Variants in TBC1D5 observed in about 807,000 individuals in gnomAD.
TBC1D5 encodes TBC1 domain family, member 5.
TBC1D5 carries 75 observed loss-of-function variants against 100.3 expected under a neutral mutation model. The ratio of observed to expected loss-of-function variants is 0.75; its 90% CI spans 0.62 to 0.91. The LOEUF is 0.91. Ranked by LOEUF, TBC1D5 falls within the 40% of genes least tolerant of loss-of-function variation. The pLI, the probability that TBC1D5 is intolerant of heterozygous loss-of-function variation, is 0.00. For synonymous variants in TBC1D5, 323 were observed against 325.6 expected (o/e 0.99, Z 0.09); for missense variants, 910 against 942.4 (o/e 0.97, Z 0.45).
chr3:17,604,830 A>T (rs982591047), intron 2 of TBC1D5, among the ~76,000 whole-genome samples: 2 of 151,994 alleles, frequency 1.3e-5, no homozygotes, highest in African/African-American at 4.8e-5. Context: ...GCATACCACC[A>T]CACCCAGGTA....
intron 9 of TBC1D5, among the ~76,000 whole-genome samples, chr3:17,379,493 A>T (rs1474100100): frequency 6.6e-6 from 1 of 152,024 alleles, no homozygotes; most frequent in East Asian, 1.9e-4. Context: ...TTAATCATTC[A>T]CGTATTGCAA....
At chr3:17,291,287 G>T (rs1438685382) in intron 15 of TBC1D5, among the ~76,000 whole-genome samples, 1 of 152,176 alleles carries the variant, frequency 6.6e-6, no homozygotes, top group Non-Finnish European at 1.5e-5. Flanking sequence ...TATAACATTA[G>T]TTGTAAAAGA....
chr3:17,442,180 A>G (rs926361358), intron 3 of TBC1D5, among the ~76,000 whole-genome samples: 2 of 152,186 alleles, frequency 1.3e-5, no homozygotes, highest in Admixed American at 1.3e-4. Context: ...AGAAACTAGA[A>G]AAAGGAGGTC....
chr3:17,186,858 T>G (rs1404992975), intron 18 of TBC1D5, among the ~76,000 whole-genome samples: 1 of 152,000 alleles, frequency 6.6e-6, no homozygotes, highest in Non-Finnish European at 1.5e-5. Context: ...TTACATATCC[T>G]GCAAGTGTAG....
intron 17 of TBC1D5, among the ~76,000 whole-genome samples, chr3:17,231,581 A>G (rs936534354): frequency 6.6e-6 from 1 of 152,172 alleles, no homozygotes; most frequent in Non-Finnish European, 1.5e-5. Context: ...GCTTTGAAAA[A>G]AGACACTTGG....
chr3:17,509,034 G>C (rs185678781), intron 2 of TBC1D5, among the ~76,000 whole-genome samples: 173 of 152,184 alleles, frequency 1.1e-3, no homozygotes, highest in African/African-American at 3.9e-3. Context: ...TAACATTTCA[G>C]TGTATTACAC....
chr3:17,469,960 A>T (rs2095354039), intron 3 of TBC1D5, among the ~76,000 whole-genome samples: 1 of 152,238 alleles, frequency 6.6e-6, no homozygotes, highest in African/African-American at 2.4e-5. Context: ...TAATCATCTC[A>T]TTTTGATCCA....
intron 14 of TBC1D5, 60 bp downstream of exon 14, chr3:17,307,932 A>G: frequency 6.4e-7 from 1 of 1,568,248 alleles, no homozygotes; most frequent in South Asian, 1.2e-5. Flanking sequence ...TTTAAAAGGC[A>G]AAACATTTTT....
intron 3 of TBC1D5, among the ~76,000 whole-genome samples, chr3:17,485,303 A>G (rs1174525035): frequency 6.9e-6 from 1 of 144,326 alleles, no homozygotes; most frequent in Non-Finnish European, 1.5e-5. Flanking sequence ...ATTTTATTTT[A>G]TTTTTTTTAC....
intron 3 of TBC1D5, among the ~76,000 whole-genome samples, chr3:17,489,846 G>A (rs915312709): frequency 4.6e-5 from 7 of 152,186 alleles, no homozygotes; most frequent in Non-Finnish European, 8.8e-5. Context: ...GTAATAGATT[G>A]ATTTATATTC....
intron 3 of TBC1D5, among the ~76,000 whole-genome samples, chr3:17,491,353 T>C (rs544417685): frequency 2.0e-5 from 3 of 152,280 alleles, no homozygotes; most frequent in Admixed American, 6.5e-5. Flanking sequence ...CTATGTTAAA[T>C]AGGAGTGGTG....
At chr3:17,189,774 C>T (rs2069632221) in intron 18 of TBC1D5, among the ~76,000 whole-genome samples, 1 of 152,212 alleles carries the variant, frequency 6.6e-6, no homozygotes, top group Admixed American at 6.5e-5. Context: ...TACCATGGTC[C>T]TTCCCATGAA....
intron 1 of TBC1D5, among the ~76,000 whole-genome samples, chr3:17,641,700 AT>A (rs917661792): frequency 6.6e-6 from 1 of 151,750 alleles, no homozygotes. Context: ...TTCCCAGAGC[AT>A]TTTTTTTCTT....
At chr3:17,620,923 C>A (rs2062609052) in intron 2 of TBC1D5, among the ~76,000 whole-genome samples, 1 of 152,084 alleles carries the variant, frequency 6.6e-6, no homozygotes, top group African/African-American at 2.4e-5. Context: ...TGGTTACATA[C>A]CCACAGGAAT....
At chr3:17,617,423 T>C (rs1035034704) in intron 2 of TBC1D5, among the ~76,000 whole-genome samples, 1 of 152,214 alleles carries the variant, frequency 6.6e-6, no homozygotes, top group East Asian at 1.9e-4. Context: ...CTGTATTTCC[T>C]GAATTTGAAT....
At chr3:17,653,278 A>ATGAATTTTATGTTATG (rs2065756298) in intron 1 of TBC1D5, among the ~76,000 whole-genome samples, 1 of 152,130 alleles carries the variant, frequency 6.6e-6, no homozygotes, top group Admixed American at 6.5e-5. Flanking sequence ...TTTATGTTAT[A>ATGAATTTTATGTTATG]TGAATTTTAT....
At chr3:17,509,929 A>G (rs1560051370) in intron 2 of TBC1D5, among the ~76,000 whole-genome samples, 1 of 151,994 alleles carries the variant, frequency 6.6e-6, no homozygotes, top group Non-Finnish European at 1.5e-5. Flanking sequence ...ATTATTTTCA[A>G]CTTCCAACCT....
chr3:17,472,757 A>G (rs1029667473), intron 3 of TBC1D5, among the ~76,000 whole-genome samples: 4 of 152,252 alleles, frequency 2.6e-5, no homozygotes, highest in African/African-American at 9.6e-5. Flanking sequence ...AAATCAATGA[A>G]TATTAAATAT....
chr3:17,278,377 C>T (rs2080237560), intron 15 of TBC1D5, among the ~76,000 whole-genome samples: 1 of 152,166 alleles, frequency 6.6e-6, no homozygotes, highest in African/African-American at 2.4e-5. Context: ...AGGGGACTGG[C>T]ACCTCGATAT....
Sources: allele counts gnomAD v4.1 joint callset (sites outside exome capture counted in the v4.1 genomes callset), GRCh38; gene constraint gnomAD v4.1.1; transcripts MANE v1.5; gene names NCBI Gene and HGNC (gene_info 2026-07-23, HGNC 2026-07-21).